The following BBX variants were observed in gnomAD, a reference collection of about 807,000 sequenced individuals.
BBX encodes HMG box transcription factor BBX.
A neutral mutation model predicts 100.2 loss-of-function variants in BBX; 30 were observed. The observed-to-expected ratio is 0.30, with a 90% CI of 0.22 to 0.41. The LOEUF is 0.41. Ranked by LOEUF, BBX falls within the 10% of genes least tolerant of loss-of-function variation. The pLI is 1.00. For missense variants in BBX, 1,023 were observed against 1,129.8 expected, an observed-to-expected ratio of 0.91 and a Z score of 1.35; for synonymous variants, 376 against 388.1, an observed-to-expected ratio of 0.97 and a Z score of 0.37.
At chr3:107,672,659 C>T (rs879465157) in intron 3 of BBX, among the ~76,000 whole-genome samples, 11 of 151,942 alleles carry the variant, frequency 7.2e-5, no homozygotes, top group Non-Finnish European at 1.5e-4. Flanking sequence ...CATTGGAGTA[C>T]AGTGTGCTGA....
In BBX at chr3:107,657,218, G is replaced by A. The variant is rs1194337602; in HGVS notation, c.-10+11309G>A. The A allele has an allele frequency of 2.2e-4, 33 of 152,124 alleles. 2 individuals carry two copies. The highest frequency in any genetic ancestry group is 2.2e-3 in the Admixed American group (33 of 15,268). 9.4% of individuals were successfully genotyped at this position (152,124 alleles called of 1,614,324 possible). A position where few individuals can be genotyped will look rare whatever the true frequency, so the allele number is the denominator to read the frequency against. On this transcript the variant is annotated intron_variant, in intron 3 of 17. Transcript: ENST00000325805. ...CTGTAGTGTGTTGACAGTTGTAAAAGGGGCTATTATGAGAGACATTATGAA... is the reference window on the plus strand; with the variant it reads ...CTGTAGTGTGTTGACAGTTGTAAAAAGGGCTATTATGAGAGACATTATGAA...
chr3:107,646,010 A>G (rs2107787546), intron 3 of BBX, 101 bp downstream of exon 3: 1 of 152,724 alleles, frequency 6.5e-6, no homozygotes, highest in Middle Eastern at 3.4e-3. Context: ...TGATCAAGGA[A>G]GTGTGATCAT....
Position 107,700,922 on chromosome 3 carries a change from G to C in BBX, c.-9-9530G>C, listed in dbSNP as rs543246464. 1.3e-5 allele frequency among the ~76,000 whole-genome samples: 2 copies of C among 151,870 alleles called. 1 individual carries two copies. Among genetic ancestry groups the C allele is most frequent in the African/African-American group, 4.9e-5 (2 of 41,202 alleles). ...ACATACGTGTGCATGTGTCTTTATA[G>C]CAGCATGATTTATAATCCTTTGGGT... On this transcript the variant is annotated intron_variant, in intron 3 of 17. Transcript: ENST00000325805.
chr3:107,738,020 G>A (rs1457185646), intron 7 of BBX, among the ~76,000 whole-genome samples: 4 of 148,268 alleles, frequency 2.7e-5, no homozygotes, highest in South Asian at 4.3e-4. Flanking sequence ...GCACTCAGAA[G>A]GTTTCAGATT....
Position 107,809,967 on chromosome 3 carries a change from A to C in BBX, c.*4510A>C, listed in dbSNP as rs1053202073. 2.6e-5 allele frequency: 4 copies of C among 152,128 alleles called. No homozygotes were observed. The highest frequency in any genetic ancestry group is 9.7e-5 in the African/African-American group (4 of 41,428). 9.4% of individuals were successfully genotyped at this position (152,128 alleles called of 1,614,324 possible). A position where few individuals can be genotyped will look rare whatever the true frequency, so the allele number is the denominator to read the frequency against. On this transcript the variant is annotated 3_prime_UTR_variant, in exon 18 of 18. Transcript: ENST00000325805. ...GCTGTTGTTCAGTTCATCTTACCAG[A>C]TGTGTCTGGCGAAGTATTCAGGGTT...
In BBX at chr3:107,710,769, A is replaced by C. The variant is rs553189482; in HGVS notation, c.162+147A>C. 1.6e-4 allele frequency: 120 copies of C among 747,328 alleles called. No individual in the cohort carries two copies. The South Asian group carries it at 2.2e-3, about 14-fold the overall frequency. The allele number at this position is 747,328 out of a possible 1,614,324, so 46.3% of individuals were successfully genotyped here. ...ATTCAATTACTTAGTTTACATTTTT[A>C]TTCCAATTCTTGATTGCTCTTAAAG... is the stretch of plus-strand genomic sequence containing the variant. On this transcript the variant is annotated intron_variant, in intron 4 of 17. Coordinates refer to ENST00000325805, the MANE Select transcript of BBX (RefSeq NM_001142568.3).
chr3:107,596,252 T>C (rs2053660220), intron 2 of BBX, among the ~76,000 whole-genome samples: 1 of 151,864 alleles, frequency 6.6e-6, no homozygotes, highest in Non-Finnish European at 1.5e-5. Context: ...AATGCAGGGG[T>C]TGGGGGCAGG....
At chr3:107,532,061 G>A (rs989560618) in intron 2 of BBX, among the ~76,000 whole-genome samples, 53 of 152,092 alleles carry the variant, frequency 3.5e-4, no homozygotes, top group African/African-American at 1.2e-3. Context: ...TGGGGGTGGT[G>A]GTGTGTGCCT....
rs371330188 is a variant in BBX, at chr3:107,697,805, A to T, written c.-9-12647A>T. Among the ~76,000 whole-genome samples the T allele has an allele frequency of 1.4e-3, 209 of 151,722 alleles. 2 individuals carry two copies. The highest frequency in any genetic ancestry group is 1.9e-3 in the Admixed American group (29 of 15,262). On this transcript the variant is annotated intron_variant, in intron 3 of 17. Transcript: ENST00000325805. ...GCGCCCCTCCCCCAGCCTCGCTGCC[A>T]CCTTGCAGTTTGATCTCAGACTGCT...
At chr3:107,770,446 C>T (rs1221763400) in intron 10 of BBX, among the ~76,000 whole-genome samples, 2 of 151,932 alleles carry the variant, frequency 1.3e-5, no homozygotes, top group South Asian at 2.1e-4. Context: ...TAGTTATTCA[C>T]GAAGGGCTAT....
intron 3 of BBX, among the ~76,000 whole-genome samples, chr3:107,702,706 G>A (rs1370162299): frequency 2.6e-5 from 4 of 152,120 alleles, no homozygotes; most frequent in African/African-American, 4.8e-5. Flanking sequence ...ATACAATCAA[G>A]TGTCAAAAAT....
chr3:107,763,909 T>G (rs973111508), intron 10 of BBX, among the ~76,000 whole-genome samples: 1 of 152,188 alleles, frequency 6.6e-6, no homozygotes, highest in African/African-American at 2.4e-5. Flanking sequence ...ACTGGTATTC[T>G]TGGGAGGTAT....
intron 3 of BBX, among the ~76,000 whole-genome samples, chr3:107,691,684 T>G (rs917413029): frequency 6.6e-6 from 1 of 152,208 alleles, no homozygotes. Flanking sequence ...TATAAGATGA[T>G]TGGATTCATG....
intron 3 of BBX, among the ~76,000 whole-genome samples, chr3:107,651,903 G>A (rs2057861687): frequency 6.6e-6 from 1 of 152,066 alleles, no homozygotes; most frequent in South Asian, 2.1e-4. Context: ...GCAGCCTGTA[G>A]CCATGGTTTT....
intron 3 of BBX, among the ~76,000 whole-genome samples, chr3:107,708,977 G>T (rs923534382): frequency 1.3e-5 from 2 of 152,054 alleles, no homozygotes; most frequent in African/African-American, 4.8e-5. Flanking sequence ...CATTGAAATT[G>T]GTCAAAGGAT....
chr3:107,655,505 T>A (rs1370077066), intron 3 of BBX, among the ~76,000 whole-genome samples: 1 of 136,400 alleles, frequency 7.3e-6, no homozygotes, highest in East Asian at 2.3e-4. Flanking sequence ...TAAAGTATGA[T>A]AATTAATTTT....
At chr3:107,644,339 C>G (rs965480089) in intron 2 of BBX, among the ~76,000 whole-genome samples, 2 of 152,102 alleles carry the variant, frequency 1.3e-5, no homozygotes, top group African/African-American at 4.8e-5. Flanking sequence ...ACTTTCTTAT[C>G]CCAATTTTGG....
chr3:107,723,396 TTTTTA>T (rs1215327367), intron 5 of BBX, among the ~76,000 whole-genome samples: 3 of 151,914 alleles, frequency 2.0e-5, no homozygotes, highest in Non-Finnish European at 4.4e-5. Flanking sequence ...TGAGACTCCA[TTTTTA>T]TTTTATTTTT....
intron 2 of BBX, among the ~76,000 whole-genome samples, chr3:107,593,053 T>C (rs993880923): frequency 6.6e-6 from 1 of 152,248 alleles, no homozygotes; most frequent in Non-Finnish European, 1.5e-5. Flanking sequence ...ACTGGTGTTC[T>C]GCTAGATCTG....
Sources: allele counts gnomAD v4.1 joint callset (sites outside exome capture counted in the v4.1 genomes callset), GRCh38; gene constraint gnomAD v4.1.1; transcripts MANE v1.5; gene names NCBI Gene and HGNC (gene_info 2026-07-23, HGNC 2026-07-21).